CEP250: variants seen among roughly 807,000 people sequenced by gnomAD.
CEP250 encodes centrosomal protein 250, also known as centrosome-associated protein CEP250.
In CEP250, 242 loss-of-function variants were observed where a neutral mutation model predicts 315.7. That is an observed-to-expected ratio of 0.77 (90% confidence interval 0.69 to 0.85). The LOEUF (loss-of-function observed/expected upper bound fraction) is 0.85, where lower values mean the gene tolerates loss of function less well. Among genes scored for constraint, CEP250 ranks in the 40% least tolerant of loss-of-function variants. CEP250 has a pLI of 0.00. For missense variants in CEP250, 2,515 were observed against 2,886.4 expected, an observed-to-expected ratio of 0.87 and a Z score of 2.95; for synonymous variants, 1,088 against 1,175.0, an observed-to-expected ratio of 0.93 and a Z score of 1.51.
intron 30 of CEP250, among the ~76,000 whole-genome samples, chr20:35,505,505 T>C (rs553211395): frequency 2.0e-5 from 3 of 151,938 alleles, no homozygotes; most frequent in Non-Finnish European, 4.4e-5. Context: ...ATACAAAAAT[T>C]AGCCAGGTAT....
At chr20:35,494,858 T>C (rs1174207356) in intron 24 of CEP250, among the ~76,000 whole-genome samples, 2 of 152,246 alleles carry the variant, frequency 1.3e-5, no homozygotes, top group Non-Finnish European at 2.9e-5. Flanking sequence ...GAACGCCTGT[T>C]ATGCACCAGG....
At chr20:35,493,072 A>G (rs530779945) in intron 22 of CEP250, among the ~76,000 whole-genome samples, 1 of 152,064 alleles carries the variant, frequency 6.6e-6, no homozygotes, top group African/African-American at 2.4e-5. Flanking sequence ...TGATTTATTT[A>G]TATATACGTA....
Position 35,502,715 on chromosome 20 carries a change from A to C in CEP250, c.4346A>C (p.Lys1449Thr). ...CGGGGACAAATCCAGGAACTGGAGA[A>C]GCAACGGGAAATGCAGAAGGCTGCT... The part of the protein sequence containing the change: ...TLRGQIQELE[K>T]QREMQKAALE... The change falls in exon 30 of 35, where the codon AAG (lysine) becomes ACG (threonine). Residue 1449 changes from lysine (K) to threonine (T), a missense_variant. Transcript: ENST00000397527. 1.2e-6 allele frequency: 2 copies of C among 1,614,284 alleles called. No homozygotes were observed. The highest frequency in any genetic ancestry group is 1.7e-6 in the Non-Finnish European group (2 of 1,180,052).
intron 14 of CEP250, chr20:35,474,681 T>C (rs529295442): frequency 2.3e-6 from 1 of 431,036 alleles, no homozygotes; most frequent in East Asian, 7.1e-5. Flanking sequence ...AATTCCCCTA[T>C]ATGATGTCAC....
At chr20:35,476,400 T>C (rs974513155) in intron 15 of CEP250, 49 bp from the exon 16 acceptor site, 1 of 1,577,844 alleles carries the variant, frequency 6.3e-7, no homozygotes, top group African/African-American at 1.3e-5. Context: ...TGTTTACTGT[T>C]CCAGGAAAAT....
Position 35,466,053 on chromosome 20 carries a change from C to G in CEP250, c.341C>G (p.Ala114Gly). ...EEEQQRCESLAEVNTQLRLHM... is the reference protein window; with the variant it reads ...EEEQQRCESLGEVNTQLRLHM... ...CCCCAGTGCAGGTGTGAGAGTCTAG[C>G]AGAGGTGAACACCCAGCTTCGACTG... is the stretch of plus-strand genomic sequence containing the variant. The change falls in exon 7 of 35, where the codon GCA becomes GGA. Residue 114 changes from alanine (A) to glycine (G), a missense_variant. Ala to Gly is a moderately conservative substitution (Grantham distance 60, BLOSUM62 0). Coordinates refer to ENST00000397527, the MANE Select transcript of CEP250 (RefSeq NM_007186.6). 6.2e-7 allele frequency: 1 copy of G among 1,614,170 alleles called. No homozygotes were observed. Among genetic ancestry groups the G allele is most frequent in the African/African-American group, 1.3e-5 (1 of 75,052 alleles).
Position 35,511,346 on chromosome 20 carries a change from T to A in CEP250, c.7066-17T>A, listed in dbSNP as rs531499392. On this transcript the variant is annotated splice_polypyrimidine_tract_variant and intron_variant, in intron 34 of 34. Coordinates refer to ENST00000397527, the MANE Select transcript of CEP250 (RefSeq NM_007186.6). The stretch of plus-strand genomic sequence containing the variant: ...CCTCAGCTGCTCTCGCTTTTTTTTT[T>A]TTTTCCTGCCCACCAGGTGGTCCTG... The A allele has an allele frequency of 7.0e-6, 11 of 1,579,228 alleles. No individual in the cohort carries two copies. The South Asian group carries it at 1.0e-4, about 15-fold the overall frequency.
intron 5 of CEP250, among the ~76,000 whole-genome samples, chr20:35,465,420 CAAA>C (rs80078387): frequency 2.4e-4 from 14 of 59,040 alleles, no homozygotes; most frequent in African/African-American, 8.5e-4. Flanking sequence ...ACTCTGTCTC[CAAA>C]AAAAAAAAAA....
intron 15 of CEP250, chr20:35,476,159 A>G (rs888670684): frequency 3.3e-6 from 1 of 305,554 alleles, no homozygotes; most frequent in African/African-American, 2.1e-5. Context: ...TGACTCTTCC[A>G]AACTATATTA....
intron 34 of CEP250, among the ~76,000 whole-genome samples, chr20:35,510,924 G>A (rs2064336203): frequency 6.6e-6 from 1 of 152,086 alleles, no homozygotes; most frequent in African/African-American, 2.4e-5. Context: ...GAACCCGATG[G>A]GGTGGAGGTT....
At chr20:35,498,400 G>C (rs147609728) in intron 26 of CEP250, among the ~76,000 whole-genome samples, 195 bp from the exon 27 acceptor site, 315 of 152,314 alleles carry the variant, frequency 2.1e-3, no homozygotes, top group African/African-American at 7.2e-3. Context: ...ATAAGTGATA[G>C]CTCGCATTAA....
chr20:35,512,164 T>C lies in CEP250; in HGVS notation c.*538T>C, dbSNP rs1186420942. 9.9e-6 allele frequency: 4 copies of C among 402,794 alleles called. No homozygotes were observed. The highest frequency in any genetic ancestry group is 8.7e-5 in the African/African-American group (4 of 46,150). The allele number at this position is 402,794 out of a possible 1,614,324, so 25.0% of individuals were successfully genotyped here. The stretch of plus-strand genomic sequence containing the variant: ...TGTCCACAGACAGCCTACAGTCCAG[T>C]TGATGAGAACAGGCTAACACTCATT... On this transcript the variant is annotated 3_prime_UTR_variant, in exon 35 of 35. Coordinates refer to ENST00000397527, the MANE Select transcript of CEP250 (RefSeq NM_007186.6).
At chr20:35,509,133 C>A in intron 33 of CEP250, 89 bp downstream of exon 33, 1 of 1,013,590 alleles carries the variant, frequency 9.9e-7, no homozygotes, top group Non-Finnish European at 1.5e-6. Context: ...CCCGGGCCAA[C>A]AGCACTTCAG....
intron 22 of CEP250, among the ~76,000 whole-genome samples, chr20:35,492,029 TAC>T (rs1425662180): frequency 6.6e-6 from 1 of 152,134 alleles, no homozygotes; most frequent in Non-Finnish European, 1.5e-5. Flanking sequence ...ATGAGATTAT[TAC>T]AGTTTGTGAT....
chr20:35,462,418 G>C lies in CEP250; in HGVS notation c.51G>C (p.Gln17His). 1.2e-6 allele frequency: 2 copies of C among 1,600,904 alleles called. No individual in the cohort carries two copies. Among genetic ancestry groups the C allele is most frequent in the African/African-American group, 1.3e-5 (1 of 74,780 alleles). Residue 17 changes from glutamine to histidine, a missense_variant, in exon 4 of 35, where the codon CAG becomes CAC. Gln to His is a conservative substitution (Grantham distance 24, BLOSUM62 0). Transcript: ENST00000397527. The stretch of plus-strand genomic sequence containing the variant: ...ACAACATGAAGCCCCAGTCACTGCA[G>C]CTGGTACTGGAAGAGCAGGTGCTGG... The part of the protein sequence containing the change: ...GLNNMKPQSL[Q>H]LVLEEQVLAL...
intron 9 of CEP250, among the ~76,000 whole-genome samples, chr20:35,469,389 C>G (rs2062969345): frequency 6.6e-6 from 1 of 152,184 alleles, no homozygotes; most frequent in African/African-American, 2.4e-5. Context: ...GCAGTAAGCT[C>G]TAAGATATAG....
At position 35,472,130 on chromosome 20, in the gene CEP250, G is replaced by C; in HGVS notation, c.1029G>C (p.Gln343His). The change falls in exon 11 of 35, where the codon CAG becomes CAC. Residue 343 changes from glutamine to histidine, a missense_variant. Gln to His is a conservative substitution (Grantham distance 24). Coordinates refer to ENST00000397527, the MANE Select transcript of CEP250 (RefSeq NM_007186.6). ...AAGAGGAGAAGTTGTCTTTACAGCA[G>C]GTGATCAAGGATATAACCCAGGTAC... Reference protein sequence around the residue: ...NAQEEKLSLQQVIKDITQVMV... With the variant: ...NAQEEKLSLQHVIKDITQVMV... 6.2e-7 allele frequency: 1 copy of C among 1,610,490 alleles called. No homozygotes were observed. The highest frequency in any genetic ancestry group is 8.5e-7 in the Non-Finnish European group (1 of 1,176,716).
chr20:35,503,329 G>A lies in CEP250; in HGVS notation c.4960G>A (p.Glu1654Lys), dbSNP rs745577070. ...RQKEHLTQDL[E>K]RRDQELMLQK... ...GAAAGAGCATCTGACTCAGGATCTC[G>A]AGAGGAGAGACCAGGAGCTGATGCT... Residue 1654 changes from glutamate to lysine, a missense_variant, in exon 30 of 35, where the codon GAG becomes AAG. Glu to Lys is a moderately conservative substitution (Grantham distance 56, BLOSUM62 1). Transcript: ENST00000397527. This position sits in a 1 kb window ranked among gnomAD's most constrained non-coding sequence, Gnocchi z 4.2. The A allele has an allele frequency of 3.7e-6, 6 of 1,614,152 alleles. No homozygotes were observed. The highest frequency in any genetic ancestry group is 5.1e-6 in the Non-Finnish European group (6 of 1,180,010).
In CEP250 at chr20:35,502,867, G is replaced by A. The variant is rs1000485084; in HGVS notation, c.4498G>A (p.Glu1500Lys). ...TCTGCCCATGGCCGTCCAGGAGCGAGAGCAGAAGCTGACTGTGCAGAGGGA... is the reference window on the plus strand; with the variant it reads ...TCTGCCCATGGCCGTCCAGGAGCGAAAGCAGAAGCTGACTGTGCAGAGGGA... ...EHLPMAVQEREQKLTVQREQI... is the reference protein window; with the variant it reads ...EHLPMAVQERKQKLTVQREQI... The change falls in exon 30 of 35, where the codon GAG becomes AAG. Residue 1500 changes from glutamate to lysine, a missense_variant. Transcript: ENST00000397527. 3 of 1,614,134 alleles carry A rather than the reference G, an allele frequency of 1.9e-6. No individual in the cohort carries two copies. The highest frequency in any genetic ancestry group is 2.5e-6 in the Non-Finnish European group (3 of 1,180,058).
Sources: allele counts gnomAD v4.1 joint callset (sites outside exome capture counted in the v4.1 genomes callset), GRCh38; gene constraint gnomAD v4.1.1; non-coding constraint Gnocchi (gnomAD v3.1); transcripts MANE v1.5; gene names NCBI Gene and HGNC (gene_info 2026-07-23, HGNC 2026-07-21).